Variants in PRKN observed in about 807,000 individuals in gnomAD.
PRKN encodes the protein E3 ubiquitin-protein ligase parkin.
A neutral mutation model predicts 59.5 loss-of-function variants in PRKN; 56 were observed. The ratio of observed to expected loss-of-function variants is 0.94; its 90% confidence interval spans 0.76 to 1.18. PRKN has a LOEUF of 1.18. PRKN is among the 50% of genes most tolerant of loss of function. The pLI is 0.00. For missense variants in PRKN, 657 were observed against 596.4 expected (o/e 1.10, Z -1.06); for synonymous variants, 250 against 222.1 (o/e 1.13, Z -1.12).
intron 1 of PRKN, among the ~76,000 whole-genome samples, chr6:162,598,317 T>C (rs1019888098): frequency 2.6e-5 from 4 of 152,162 alleles, no homozygotes; most frequent in Non-Finnish European, 4.4e-5. Context: ...TTTCCAGATT[T>C]TTATTCATTT....
intron 2 of PRKN, among the ~76,000 whole-genome samples, chr6:162,387,479 GAAGAA>G (rs2128143027): frequency 7.0e-6 from 1 of 141,946 alleles, no homozygotes; most frequent in African/African-American, 2.6e-5. Flanking sequence ...TTGAAGTTAA[GAAGAA>G]AATAAAAATT....
chr6:161,998,782 T>C (rs997406369), intron 5 of PRKN, among the ~76,000 whole-genome samples: 3 of 152,120 alleles, frequency 2.0e-5, no homozygotes, highest in Non-Finnish European at 4.4e-5. Context: ...CAGTGTAAAT[T>C]TGTCATCGGG....
intron 2 of PRKN, among the ~76,000 whole-genome samples, chr6:162,377,381 G>C (rs1430892674): frequency 6.6e-6 from 1 of 152,134 alleles, no homozygotes. Flanking sequence ...CACCACGCTC[G>C]GTGACACCAC....
At chr6:162,217,463 C>T (rs1005212209) in intron 3 of PRKN, among the ~76,000 whole-genome samples, 3 of 152,150 alleles carry the variant, frequency 2.0e-5, no homozygotes, top group African/African-American at 7.2e-5. Context: ...TCACTGCAAC[C>T]CCCACCTCCC....
intron 6 of PRKN, among the ~76,000 whole-genome samples, chr6:161,825,663 C>T (rs1792214161): frequency 6.6e-6 from 1 of 152,190 alleles, no homozygotes; most frequent in Admixed American, 6.5e-5. Context: ...TGGGGTTTTG[C>T]TTCCTGGGCA....
At chr6:161,704,618 C>A (rs1265213220) in intron 7 of PRKN, among the ~76,000 whole-genome samples, 1 of 152,146 alleles carries the variant, frequency 6.6e-6, no homozygotes, top group Admixed American at 6.5e-5. Flanking sequence ...CCCAGGTCCT[C>A]CGGTTCCCCA....
chr6:161,982,184 A>G (rs1294230642), intron 5 of PRKN, among the ~76,000 whole-genome samples: 1 of 152,190 alleles, frequency 6.6e-6, no homozygotes, highest in Non-Finnish European at 1.5e-5. Flanking sequence ...GGAGATTGTT[A>G]AAGAAGATGT....
Position 161,377,356 on chromosome 6 carries a change from C to T in PRKN, c.1167+9438G>A, listed in dbSNP as rs1035625905. On this transcript the variant is annotated intron_variant, in intron 10 of 11. Transcript: ENST00000366898. The surrounding 1 kb of genome is among the most constrained non-coding windows in gnomAD (Gnocchi z 4.2). ...CCTCAGACCCCCGTGCCATCCACAC[C>T]GTGGCATGACTGCCTCTCCTTGGGC... Among the ~76,000 whole-genome samples, 6 of 152,246 alleles carry T rather than the reference C, an allele frequency of 3.9e-5. No individual in the cohort carries two copies. The highest frequency in any genetic ancestry group is 7.3e-5 in the Non-Finnish European group (5 of 68,040).
chr6:162,010,292 T>A (rs1290804027), intron 5 of PRKN, among the ~76,000 whole-genome samples: 1 of 128,696 alleles, frequency 7.8e-6, no homozygotes. Flanking sequence ...TAAATATATT[T>A]TATATATTTA....
chr6:162,394,233 G>A (rs542172278), intron 2 of PRKN, among the ~76,000 whole-genome samples: 4 of 152,250 alleles, frequency 2.6e-5, no homozygotes, highest in South Asian at 2.1e-4. Context: ...AGAAGAGGAG[G>A]TGCAATGCAA....
Position 162,191,740 on chromosome 6 carries a change from G to A in PRKN, c.534+9391C>T, listed in dbSNP as rs147605358. Among the ~76,000 whole-genome samples the A allele has an allele frequency of 8.5e-4, 129 of 152,280 alleles. 1 individual carries two copies. The East Asian group carries it at 0.017, about 21-fold the overall frequency. On this transcript the variant is annotated intron_variant, in intron 4 of 11. Coordinates refer to ENST00000366898, the MANE Select transcript of PRKN (RefSeq NM_004562.3). ...TTACAGGTGTGAGCCACCGTGCCCG[G>A]CCAGAATTATCTGTTTTATATAGAA...
At chr6:161,800,682 T>C (rs558803271) in intron 6 of PRKN, among the ~76,000 whole-genome samples, 14 of 152,166 alleles carry the variant, frequency 9.2e-5, no homozygotes, top group African/African-American at 3.4e-4. Flanking sequence ...TGGGGGACCA[T>C]AGCTGATATC....
chr6:162,389,019 A>AAAAAC (rs1554312393), intron 2 of PRKN, among the ~76,000 whole-genome samples: 1 of 149,828 alleles, frequency 6.7e-6, no homozygotes, highest in African/African-American at 2.5e-5. Context: ...AAAAAAAAAA[A>AAAAAC]AAAAACAAAA....
chr6:162,184,161 T>C (rs1307478025), intron 4 of PRKN, among the ~76,000 whole-genome samples: 1 of 152,242 alleles, frequency 6.6e-6, no homozygotes, highest in African/African-American at 2.4e-5. Context: ...CTAATTAATG[T>C]ACATATCCAG....
chr6:161,749,394 G>A (rs990439548), intron 7 of PRKN, among the ~76,000 whole-genome samples: 1 of 152,110 alleles, frequency 6.6e-6, no homozygotes, highest in African/African-American at 2.4e-5. Context: ...CTATAATTAT[G>A]CATCATCTGT....
intron 6 of PRKN, among the ~76,000 whole-genome samples, chr6:161,873,609 C>A (rs947740000): frequency 2.0e-5 from 3 of 151,730 alleles, no homozygotes; most frequent in Non-Finnish European, 2.9e-5. Flanking sequence ...TATTTTATAT[C>A]CCAAACTACA....
At chr6:162,298,419 CTTT>C (rs975042627) in intron 2 of PRKN, among the ~76,000 whole-genome samples, 2 of 152,034 alleles carry the variant, frequency 1.3e-5, no homozygotes, top group African/African-American at 2.4e-5. Flanking sequence ...TGACATCCTT[CTTT>C]GTTTTTTTTA....
intron 6 of PRKN, among the ~76,000 whole-genome samples, chr6:161,864,051 G>A (rs1307181822): frequency 1.3e-5 from 2 of 152,150 alleles, no homozygotes; most frequent in Admixed American, 1.3e-4. Context: ...ACTGACCAGG[G>A]CAGTGGTTGC....
rs146967084 is a variant in PRKN at position 162,140,736 on chromosome 6, T to C, written c.534+60395A>G. Among the ~76,000 whole-genome samples, 584 of 108,262 alleles carry C rather than the reference T, an allele frequency of 5.4e-3. 10 individuals are homozygous for C. Among genetic ancestry groups the C allele is most frequent in the African/African-American group, 0.021 (542 of 26,136 alleles). 71.0% of individuals were successfully genotyped at this position (108,262 alleles called of 152,430 possible). A position where few individuals can be genotyped will look rare whatever the true frequency, so the allele number is the denominator to read the frequency against. On this transcript the variant is annotated intron_variant, in intron 4 of 11. Transcript: ENST00000366898. ...ATGAAAGCAATTTAATGCAGGTGGA[T>C]TGGGTCAGGAATATTTACTATTATA...
Sources: allele counts gnomAD v4.1 joint callset (sites outside exome capture counted in the v4.1 genomes callset), GRCh38; gene constraint gnomAD v4.1.1; non-coding constraint Gnocchi (gnomAD v3.1); transcripts MANE v1.5; gene names NCBI Gene and HGNC (gene_info 2026-07-23, HGNC 2026-07-21).